Variants in GABRR1 observed in about 807,000 individuals in gnomAD.
The protein encoded by GABRR1 is gamma-aminobutyric acid type A receptor subunit rho1, also known as gamma-aminobutyric acid receptor subunit rho-1.
GABRR1 carries 59 observed loss-of-function variants against 55.5 expected under a neutral mutation model. The ratio of observed to expected loss-of-function variants is 1.06; its 90% CI spans 0.86 to 1.32. The LOEUF (loss-of-function observed/expected upper bound fraction) is 1.32. Among genes scored for constraint, GABRR1 ranks in the 40% most tolerant of loss-of-function variants. The pLI is 0.00. For synonymous variants in GABRR1, 213 were observed against 226.0 expected (o/e 0.94, Z 0.51); for missense variants, 602 against 619.1 (o/e 0.97, Z 0.29).
intron 7 of GABRR1, among the ~76,000 whole-genome samples, chr6:89,183,758 A>G (rs1771804852): frequency 6.6e-6 from 1 of 152,164 alleles, no homozygotes; most frequent in South Asian, 2.1e-4. Flanking sequence ...GAAATAACTC[A>G]GGAATTGAAA....
rs762512117 is a variant in GABRR1 at position 89,180,448 on chromosome 6, G to A, written c.990C>T (p.Gly330=). 3 of 1,613,782 alleles carry A rather than the reference G, an allele frequency of 1.9e-6. No individual in the cohort carries two copies. The highest frequency in any genetic ancestry group is 1.7e-5 in the Admixed American group (1 of 59,950). Residue 330 remains glycine, a synonymous_variant, in exon 9 of 10, where the codon GGC becomes GGT. Coordinates refer to ENST00000454853, the MANE Select transcript of GABRR1 (RefSeq NM_002042.5). Reference sequence around the variant, plus strand: ...AGACGCGCGGCATGGAGGCATTCACGCCCGTGATGATGGTGGACATGGTCA... The same window carrying A: ...AGACGCGCGGCATGGAGGCATTCACACCCGTGATGATGGTGGACATGGTCA... ...TVLTMSTIIT[G]VNASMPRVSY... is the part of the protein sequence containing the mutation.
intron 5 of GABRR1, among the ~76,000 whole-genome samples, chr6:89,194,871 G>A (rs1772212220): frequency 6.6e-6 from 1 of 152,042 alleles, no homozygotes; most frequent in South Asian, 2.1e-4. Context: ...GGGAACAAAG[G>A]CTGCTTATAA....
upstream of GABRR1, among the ~76,000 whole-genome samples, chr6:89,218,400 T>A (rs1222973106): frequency 6.6e-6 from 1 of 152,244 alleles, no homozygotes; most frequent in Non-Finnish European, 1.5e-5. Context: ...AAGGTTCTGT[T>A]CCCAGATCGT....
chr6:89,210,852 C>CT (rs1416696985), intron 1 of GABRR1, among the ~76,000 whole-genome samples: 1 of 152,010 alleles, frequency 6.6e-6, no homozygotes, highest in African/African-American at 2.4e-5. Context: ...GTGATTAGTC[C>CT]TTGGAGAGAA....
chr6:89,180,160 A>T, intron 9 of GABRR1, 132 bp downstream of exon 9: 5 of 941,522 alleles, frequency 5.3e-6, no homozygotes, highest in Non-Finnish European at 6.1e-6. Flanking sequence ...GCTCTTCACA[A>T]CAACCCTGTG....
At chr6:89,179,607 T>C (rs1479705468) in intron 9 of GABRR1, among the ~76,000 whole-genome samples, 2 of 152,254 alleles carry the variant, frequency 1.3e-5, no homozygotes, top group African/African-American at 4.8e-5. Context: ...AGAATGCTCA[T>C]GATTCATAGA....
rs1771847216 is a variant in GABRR1 at position 89,184,880 on chromosome 6, TCTTTC to T, written c.796+425_796+429del. Among the ~76,000 whole-genome samples the T allele has an allele frequency of 2.5e-5, 3 of 121,428 alleles. No individual in the cohort carries two copies. In the Admixed American group the frequency reaches 2.5e-4, roughly 10 times the overall value. 79.7% of individuals were successfully genotyped at this position (121,428 alleles called of 152,430 possible). On this transcript the variant is annotated intron_variant, in intron 7 of 9. Transcript: ENST00000454853. ...TAGGATTTCTGCCTTTAGTTTCTTT[TCTTTC>T]TTTTTTTTTTTTTTTTTTGAGGCAG...
At chr6:89,220,374 C>T (rs1051158502), upstream of GABRR1, among the ~76,000 whole-genome samples, 33 of 152,300 alleles carry the variant, frequency 2.2e-4, 1 homozygote, top group Admixed American at 2.0e-3. Flanking sequence ...AAGGCCACTT[C>T]CTCCATCCAG....
At chr6:89,222,033 G>A (rs1163931633), upstream of GABRR1, among the ~76,000 whole-genome samples, 1 of 152,170 alleles carries the variant, frequency 6.6e-6, no homozygotes, top group East Asian at 1.9e-4. Flanking sequence ...CTCAGGGTAT[G>A]GTCTTTGTGT....
At chr6:89,218,557 C>T (rs1773060899), upstream of GABRR1, among the ~76,000 whole-genome samples, 1 of 152,174 alleles carries the variant, frequency 6.6e-6, no homozygotes, top group African/African-American at 2.4e-5. Flanking sequence ...GAAACTCTTA[C>T]CCAGTCTCTC....
At chr6:89,186,121 A>G (rs1196360639) in intron 6 of GABRR1, among the ~76,000 whole-genome samples, 2 of 152,234 alleles carry the variant, frequency 1.3e-5, no homozygotes, top group Non-Finnish European at 2.9e-5. Context: ...GAGAAGCCTC[A>G]TGGCACTGCC....
In GABRR1 at chr6:89,184,120, A is replaced by G. The variant is rs570636684; in HGVS notation, c.796+1190T>C. The stretch of plus-strand genomic sequence containing the variant: ...CCAGCCGTGGTGGTGGGTGCCTGTA[A>G]TCCCAGCTACTCGGGAGGCTGAGGC... On this transcript the variant is annotated intron_variant, in intron 7 of 9. Coordinates refer to ENST00000454853, the MANE Select transcript of GABRR1 (RefSeq NM_002042.5). Among the ~76,000 whole-genome samples, 23 of 152,114 alleles carry G rather than the reference A, an allele frequency of 1.5e-4. No individual in the cohort carries two copies. In the South Asian group the frequency reaches 4.2e-3, roughly 27 times the overall value.
chr6:89,180,257 C>A, intron 9 of GABRR1, 35 bp downstream of exon 9: 1 of 1,600,230 alleles, frequency 6.2e-7, no homozygotes. Flanking sequence ...CAGGTTCCAT[C>A]CTGACCAGAC....
At chr6:89,223,508 A>G (rs984280706) in intron 1 of GABRR1, among the ~76,000 whole-genome samples, 6 of 152,164 alleles carry the variant, frequency 3.9e-5, no homozygotes, top group Non-Finnish European at 5.9e-5. Context: ...TGCTATAAAC[A>G]TGCGTGTACA....
At chr6:89,191,558 C>A (rs1772089586) in intron 5 of GABRR1, among the ~76,000 whole-genome samples, 4 of 152,158 alleles carry the variant, frequency 2.6e-5, no homozygotes, top group Admixed American at 2.0e-4. Flanking sequence ...CAGACATCAC[C>A]AGAATGGGTC....
At chr6:89,219,527 C>T (rs372020361), upstream of GABRR1, among the ~76,000 whole-genome samples, 6 of 152,248 alleles carry the variant, frequency 3.9e-5, no homozygotes, top group East Asian at 3.9e-4. Context: ...CAGGAAAAAT[C>T]GTCAAACTTT....
intron 6 of GABRR1, among the ~76,000 whole-genome samples, chr6:89,188,730 CTGAT>C (rs1358719935): frequency 1.3e-5 from 2 of 152,244 alleles, no homozygotes; most frequent in East Asian, 3.9e-4. Context: ...CCTTTTTACT[CTGAT>C]AATGTCGATG....
chr6:89,190,997 C>T (rs1425897796), intron 5 of GABRR1, among the ~76,000 whole-genome samples: 4 of 152,190 alleles, frequency 2.6e-5, no homozygotes, highest in South Asian at 2.1e-4. Flanking sequence ...TTTGTTCGCT[C>T]GTGCTGAATG....
At chr6:89,228,690 T>C (rs936678909) in intron 1 of GABRR1, among the ~76,000 whole-genome samples, 2 of 133,864 alleles carry the variant, frequency 1.5e-5, no homozygotes, top group African/African-American at 5.8e-5. Context: ...TCCAAGTATG[T>C]GGTCAATTTT....
Sources: allele counts gnomAD v4.1 joint callset (sites outside exome capture counted in the v4.1 genomes callset), GRCh38; gene constraint gnomAD v4.1.1; transcripts MANE v1.5; gene names NCBI Gene and HGNC (gene_info 2026-07-23, HGNC 2026-07-21).